Variants in APBA1 observed in about 807,000 individuals in gnomAD.
The protein encoded by APBA1 is amyloid beta precursor protein binding family A member 1.
In APBA1, 55 loss-of-function variants were observed where a neutral mutation model predicts 86.6. The ratio of observed to expected loss-of-function variants is 0.64; its 90% CI spans 0.51 to 0.80. The LOEUF (loss-of-function observed/expected upper bound fraction) is 0.80, where lower values mean the gene tolerates loss of function less well. Among genes scored for constraint, APBA1 ranks in the 30% least tolerant of loss-of-function variants. The pLI, the probability that APBA1 is intolerant of heterozygous loss-of-function variation, is 0.00. For synonymous variants in APBA1, 511 were observed against 493.9 expected (o/e 1.03, Z -0.46); for missense variants, 1,090 against 1,183.0 (o/e 0.92, Z 1.15).
chr9:69,600,248 T>C (rs932095663), intron 1 of APBA1, among the ~76,000 whole-genome samples: 8 of 152,160 alleles, frequency 5.3e-5, no homozygotes, highest in Non-Finnish European at 1.2e-4. Context: ...CTGACTATGG[T>C]GATGGCGATT....
chr9:69,505,229 C>T (rs541974691), intron 2 of APBA1, among the ~76,000 whole-genome samples: 9 of 152,094 alleles, frequency 5.9e-5, no homozygotes, highest in African/African-American at 1.4e-4. Context: ...TGCTGACAGG[C>T]GCACAGCCAT....
chr9:69,445,646 GAAAGAGGCAGCCTGTAAA>G (rs920871306), intron 10 of APBA1, among the ~76,000 whole-genome samples: 5 of 152,192 alleles, frequency 3.3e-5, no homozygotes, highest in African/African-American at 1.2e-4. Flanking sequence ...CAAAGGCACA[GAAAGAGGCAGCCTGTAAA>G]ATGTTCCACC....
Position 69,471,682 on chromosome 9 carries a change from A to G in APBA1, c.1310T>C (p.Leu437Ser). The change falls in exon 4 of 13, where the codon TTG (leucine) becomes TCG (serine). Residue 437 changes from leucine (L) to serine (S), a missense_variant. Around this residue, in one of 6 missense-constraint regions of APBA1, gnomAD observed 76 missense variants for 122.2 expected, o/e 0.62. Transcript: ENST00000265381. ...ASTNKESRKSLASFPTYVEVP... is the reference protein window; with the variant it reads ...ASTNKESRKSSASFPTYVEVP... Reference sequence around the variant, plus strand: ...TTCAACGTAGGTTGGGAATGAAGCCAAGCTTTTTCTTGACTGTAATAAAGA... The same window carrying G: ...TTCAACGTAGGTTGGGAATGAAGCCGAGCTTTTTCTTGACTGTAATAAAGA... The G allele has an allele frequency of 1.2e-6, 2 of 1,613,660 alleles. No homozygotes were observed. Among genetic ancestry groups the G allele is most frequent in the Non-Finnish European group, 1.7e-6 (2 of 1,179,822 alleles).
chr9:69,516,771 G>C lies in APBA1; in HGVS notation c.440C>G (p.Pro147Arg). 6.2e-7 allele frequency: 1 copy of C among 1,611,336 alleles called. No homozygotes were observed. ...HAEATHRRAL[P>R]NHLHFHSLEH... is the part of the protein sequence containing the mutation. Reference sequence around the variant, plus strand: ...CAGCGAGTGGAAGTGCAGGTGGTTGGGCAGCGCGCGGCGGTGCGTGGCCTC... The same window carrying C: ...CAGCGAGTGGAAGTGCAGGTGGTTGCGCAGCGCGCGGCGGTGCGTGGCCTC... Residue 147 changes from proline to arginine, a missense_variant, in exon 2 of 13, where the codon CCC (proline) becomes CGC (arginine). Coordinates refer to ENST00000265381, the MANE Select transcript of APBA1 (RefSeq NM_001163.4). This position sits in a 1 kb window ranked among gnomAD's most constrained non-coding sequence, Gnocchi z 7.3.
At chr9:69,565,384 G>T (rs1333817045) in intron 1 of APBA1, among the ~76,000 whole-genome samples, 1 of 152,040 alleles carries the variant, frequency 6.6e-6, no homozygotes, top group East Asian at 1.9e-4. Flanking sequence ...AGAGGCCTTA[G>T]GCAGTCCTTA....
At chr9:69,503,290 T>C (rs775817288) in intron 2 of APBA1, among the ~76,000 whole-genome samples, 3 of 152,076 alleles carry the variant, frequency 2.0e-5, no homozygotes, top group Non-Finnish European at 4.4e-5. Context: ...TCAAACGATA[T>C]CATGCAGTTT....
At chr9:69,444,828 T>C (rs1356339652) in intron 10 of APBA1, among the ~76,000 whole-genome samples, 1 of 152,214 alleles carries the variant, frequency 6.6e-6, no homozygotes, top group Non-Finnish European at 1.5e-5. Flanking sequence ...TGTTAGGCAC[T>C]GGAGATTCAG....
intron 1 of APBA1, among the ~76,000 whole-genome samples, chr9:69,535,916 T>C (rs1836500818): frequency 6.6e-6 from 1 of 152,190 alleles, no homozygotes; most frequent in African/African-American, 2.4e-5. Flanking sequence ...GGTTTGCCTT[T>C]GCTTCCTCTG....
chr9:69,620,175 C>T (rs1437069501), intron 1 of APBA1, among the ~76,000 whole-genome samples: 2 of 152,234 alleles, frequency 1.3e-5, no homozygotes, highest in African/African-American at 4.8e-5. Flanking sequence ...TCCAATTTCT[C>T]CTGAGGACGG....
chr9:69,491,465 G>C (rs1267341818), intron 2 of APBA1, among the ~76,000 whole-genome samples: 1 of 151,948 alleles, frequency 6.6e-6, no homozygotes, highest in Non-Finnish European at 1.5e-5. Flanking sequence ...TGGGGTGGGG[G>C]GAGGTGGAGG....
intron 11 of APBA1, among the ~76,000 whole-genome samples, chr9:69,433,008 CTG>C (rs1443037375): frequency 2.0e-5 from 3 of 152,170 alleles, no homozygotes; most frequent in Non-Finnish European, 4.4e-5. Context: ...AACTGTCAGC[CTG>C]TGTGACACAG....
chr9:69,648,244 T>C (rs1422563077), intron 1 of APBA1, among the ~76,000 whole-genome samples: 1 of 152,148 alleles, frequency 6.6e-6, no homozygotes, highest in Non-Finnish European at 1.5e-5. Context: ...AGAAAGGGGT[T>C]AGGAATAAAA....
intron 11 of APBA1, 74 bp from the exon 12 acceptor site, chr9:69,432,750 G>C: frequency 1.3e-5 from 17 of 1,349,664 alleles, no homozygotes; most frequent in Middle Eastern, 2.0e-4. Flanking sequence ...TTTCCTGAAA[G>C]CCCCCTGCCC....
intron 11 of APBA1, among the ~76,000 whole-genome samples, chr9:69,434,598 T>G (rs1834666372): frequency 6.6e-6 from 1 of 151,454 alleles, no homozygotes; most frequent in East Asian, 1.9e-4. Context: ...TCCCAGCTAC[T>G]CAGGAGGCTG....
chr9:69,565,776 G>C (rs188692188), intron 1 of APBA1, among the ~76,000 whole-genome samples: 4 of 152,236 alleles, frequency 2.6e-5, no homozygotes, highest in Admixed American at 1.3e-4. Flanking sequence ...TTTCAGCTAG[G>C]CCTTGGCATG....
chr9:69,533,216 ATAAG>A (rs1461629240), intron 1 of APBA1, among the ~76,000 whole-genome samples: 1 of 152,206 alleles, frequency 6.6e-6, no homozygotes, highest in African/African-American at 2.4e-5. Context: ...CTCTGAAATG[ATAAG>A]TAAGAAATTA....
intron 7 of APBA1, 88 bp from the exon 8 acceptor site, chr9:69,456,520 G>C (rs1339313265): frequency 1.2e-5 from 17 of 1,377,380 alleles, no homozygotes; most frequent in Non-Finnish European, 1.5e-5. Context: ...AGTCAAGTAT[G>C]GTTCGCATGC....
chr9:69,440,584 G>A (rs996473546), intron 11 of APBA1, among the ~76,000 whole-genome samples: 1 of 152,208 alleles, frequency 6.6e-6, no homozygotes, highest in Non-Finnish European at 1.5e-5. Flanking sequence ...CTCCGAGCCA[G>A]GTGTGGGGTA....
intron 10 of APBA1, among the ~76,000 whole-genome samples, chr9:69,447,018 C>A (rs1834921335): frequency 6.6e-6 from 1 of 152,172 alleles, no homozygotes; most frequent in African/African-American, 2.4e-5. Context: ...GAAGTCTGAG[C>A]TCAGCGTACC....
Sources: allele counts gnomAD v4.1 joint callset (sites outside exome capture counted in the v4.1 genomes callset), GRCh38; gene constraint gnomAD v4.1.1; regional missense constraint gnomAD v4.1.1; non-coding constraint Gnocchi (gnomAD v3.1); transcripts MANE v1.5; gene names NCBI Gene and HGNC (gene_info 2026-07-23, HGNC 2026-07-21).